FNDC1: variants seen among roughly 807,000 people sequenced by gnomAD.
FNDC1 encodes fibronectin type III domain-containing protein 1.
Under a neutral mutation model 168.0 loss-of-function variants are expected in FNDC1, and 96 were observed. The ratio of observed to expected loss-of-function variants is 0.57; its 90% CI spans 0.48 to 0.68. FNDC1 has a LOEUF of 0.68. Among genes scored for constraint, FNDC1 ranks in the 30% least tolerant of loss-of-function variants. FNDC1 has a pLI of 0.00. For synonymous variants in FNDC1, 1,099 were observed against 1,025.9 expected, an observed-to-expected ratio of 1.07 and a Z score of -1.36; for missense variants, 2,587 against 2,482.1, an observed-to-expected ratio of 1.04 and a Z score of -0.90.
At chr6:159,235,947 A>C (rs1783244028) in intron 11 of FNDC1, among the ~76,000 whole-genome samples, 1 of 152,240 alleles carries the variant, frequency 6.6e-6, no homozygotes, top group Non-Finnish European at 1.5e-5. Flanking sequence ...TTTCTATGGC[A>C]AATTTACTTA....
intron 5 of FNDC1, among the ~76,000 whole-genome samples, 166 bp downstream of exon 5, chr6:159,215,317 G>A (rs1399379660): frequency 1.3e-5 from 2 of 152,184 alleles, no homozygotes; most frequent in African/African-American, 2.4e-5. Context: ...CATCCTGGAC[G>A]CCATCATTTT....
chr6:159,175,825 T>G (rs894426500), intron 1 of FNDC1, among the ~76,000 whole-genome samples: 1 of 152,210 alleles, frequency 6.6e-6, no homozygotes, highest in East Asian at 1.9e-4. Context: ...ATCACAACTT[T>G]GAACCTTTGA....
chr6:159,197,746 T>G, intron 2 of FNDC1, 121 bp downstream of exon 2: 1 of 878,184 alleles, frequency 1.1e-6, no homozygotes, highest in East Asian at 2.7e-5. Flanking sequence ...TACGGTTCTT[T>G]GGGAATGGAG....
chr6:159,210,931 C>T (rs1334101253), intron 4 of FNDC1, among the ~76,000 whole-genome samples: 1 of 152,184 alleles, frequency 6.6e-6, no homozygotes, highest in Non-Finnish European at 1.5e-5. Context: ...ATCAGGAGTG[C>T]ACAAAAGGCC....
At chr6:159,198,619 G>A (rs571506072) in intron 2 of FNDC1, among the ~76,000 whole-genome samples, 2 of 152,302 alleles carry the variant, frequency 1.3e-5, no homozygotes, top group Non-Finnish European at 1.5e-5. Context: ...GATCAAAGGC[G>A]TGAGCAGATC....
chr6:159,190,550 C>A (rs147539027), intron 1 of FNDC1, among the ~76,000 whole-genome samples: 15 of 152,226 alleles, frequency 9.9e-5, no homozygotes, highest in African/African-American at 3.6e-4. Context: ...GTCTGCCCTG[C>A]AGTCTCCTTC....
chr6:159,257,426 C>T (rs1164755191), intron 18 of FNDC1, among the ~76,000 whole-genome samples: 2 of 152,182 alleles, frequency 1.3e-5, no homozygotes, highest in Non-Finnish European at 2.9e-5. Context: ...TTGCAGACTT[C>T]CTGAATACTT....
At chr6:159,249,522 C>A (rs1468195883) in intron 16 of FNDC1, among the ~76,000 whole-genome samples, 2 of 152,216 alleles carry the variant, frequency 1.3e-5, no homozygotes, top group Non-Finnish European at 2.9e-5. Flanking sequence ...AGACTTACCA[C>A]TGGGCCTTGT....
Position 159,197,529 on chromosome 6 carries a change from G to GT in FNDC1, c.209dup (p.Glu71GlyfsTer15), listed in dbSNP as rs755482524. ...ACCCAAAGATGCTACCAGTAGACCTGTGGAGCATTACAACATTGCCTATGG... is the reference window on the plus strand; with the variant it reads ...ACCCAAAGATGCTACCAGTAGACCTGTTGGAGCATTACAACATTGCCTATGG... On this transcript the variant is annotated frameshift_variant, in exon 2 of 23. Coordinates refer to ENST00000297267, the MANE Select transcript of FNDC1 (RefSeq NM_032532.3). LOFTEE classifies it high-confidence loss of function. 1.1e-5 allele frequency: 18 copies of GT among 1,614,002 alleles called. No individual in the cohort carries two copies. In the South Asian group the frequency reaches 1.6e-4, roughly 15 times the overall value.
At chr6:159,268,723 C>CATCT (rs59162576) in intron 22 of FNDC1, among the ~76,000 whole-genome samples, 15,301 of 149,734 alleles carry the variant, frequency 0.1, 1,185 homozygotes, top group East Asian at 0.32. Context: ...TTTATGCATC[C>CATCT]ATCTATCTAT....
At position 159,233,754 on chromosome 6, in the gene FNDC1, A is replaced by T; in HGVS notation, c.3242A>T (p.Asp1081Val). 1 of 1,547,904 alleles carries T rather than the reference A, an allele frequency of 6.5e-7. No homozygotes were observed. The highest frequency in any genetic ancestry group is 2.0e-5 in the Admixed American group (1 of 50,562). Residue 1081 changes from aspartate (D) to valine (V), a missense_variant, in exon 11 of 23, where the codon GAC becomes GTC. Coordinates refer to ENST00000297267, the MANE Select transcript of FNDC1 (RefSeq NM_032532.3). The surrounding 1 kb of genome is among the most constrained non-coding windows in gnomAD (Gnocchi z 4.6). Reference sequence around the variant, plus strand: ...GAGGATGCCCAGGGCAGCTACGACGACGACAGCACAGAAGTCGAGGCCCAG... The same window carrying T: ...GAGGATGCCCAGGGCAGCTACGACGTCGACAGCACAGAAGTCGAGGCCCAG... ...QDEDAQGSYDDDSTEVEAQDV... is the reference protein window; with the variant it reads ...QDEDAQGSYDVDSTEVEAQDV...
rs1393202303 is a variant in FNDC1, at chr6:159,246,919, A to G, written c.4640A>G (p.Glu1547Gly). ...TCACTAGATGAGTTCTCAGGCTTGGAGACTGACACTGCAGTACCTACGGAA... is the reference window on the plus strand; with the variant it reads ...TCACTAGATGAGTTCTCAGGCTTGGGGACTGACACTGCAGTACCTACGGAA... ...YAEEDEFSGL[E>G]TDTAVPTEEA... Residue 1547 changes from glutamate to glycine, a missense_variant, in exon 15 of 23, where the codon GAG (glutamate) becomes GGG (glycine). Physicochemically the swap from Glu to Gly is moderately conservative, Grantham distance 98 (BLOSUM62 -2). Coordinates refer to ENST00000297267, the MANE Select transcript of FNDC1 (RefSeq NM_032532.3). 28 of 1,612,942 alleles carry G rather than the reference A, an allele frequency of 1.7e-5. No individual in the cohort carries two copies. Among genetic ancestry groups the G allele is most frequent in the Non-Finnish European group, 2.3e-5 (27 of 1,178,942 alleles).
intron 4 of FNDC1, among the ~76,000 whole-genome samples, chr6:159,205,624 C>T (rs534777645): frequency 7.3e-4 from 111 of 152,322 alleles, no homozygotes; most frequent in African/African-American, 2.6e-3. Context: ...CAACAAGAGG[C>T]TTCTAGGTTC....
intron 14 of FNDC1, among the ~76,000 whole-genome samples, chr6:159,241,943 T>C (rs894952499): frequency 2.6e-5 from 4 of 152,224 alleles, no homozygotes; most frequent in African/African-American, 9.7e-5. Flanking sequence ...TCTTCTTTTT[T>C]CTTTCTTTAT....
At chr6:159,214,609 T>A (rs432275) in intron 4 of FNDC1, among the ~76,000 whole-genome samples, 73,648 of 151,884 alleles carry the variant, frequency 0.48, 20,353 homozygotes, top group African/African-American at 0.76. Flanking sequence ...AGCTCTTTCC[T>A]GAGAATATAT....
At chr6:159,212,655 GA>G (rs1191352326) in intron 4 of FNDC1, among the ~76,000 whole-genome samples, 1 of 151,974 alleles carries the variant, frequency 6.6e-6, no homozygotes, top group Non-Finnish European at 1.5e-5. Flanking sequence ...GTTGTCTAGG[GA>G]ACAGTTCTTC....
At chr6:159,217,430 CT>C (rs35531100) in intron 5 of FNDC1, among the ~76,000 whole-genome samples, 27,735 of 152,160 alleles carry the variant, frequency 0.18, 3,504 homozygotes, top group African/African-American at 0.36. Context: ...GGCCAGCCCC[CT>C]GGGTCCAGGT....
intron 5 of FNDC1, among the ~76,000 whole-genome samples, chr6:159,215,799 T>A (rs767464959): frequency 9.2e-5 from 14 of 151,962 alleles, no homozygotes; most frequent in Non-Finnish European, 1.6e-4. Context: ...GCTAGGCCAG[T>A]CTCTCTTTTC....
chr6:159,234,257 G>A lies in FNDC1; in HGVS notation c.3745G>A (p.Gly1249Ser). 1 of 1,592,830 alleles carries A rather than the reference G, an allele frequency of 6.3e-7. No homozygotes were observed. The highest frequency in any genetic ancestry group is 2.3e-5 in the East Asian group (1 of 43,754). The stretch of plus-strand genomic sequence containing the variant: ...GAAGCGACCTCTCCCCCCACCTCCA[G>A]GCAGCTCCCCCAGGGCCTCCCACGT... The part of the protein sequence containing the change: ...PVKRPLPPPP[G>S]SSPRASHVPS... Residue 1249 changes from glycine to serine, a missense_variant, in exon 11 of 23, where the codon GGC (glycine) becomes AGC (serine). Transcript: ENST00000297267.
Sources: allele counts gnomAD v4.1 joint callset (sites outside exome capture counted in the v4.1 genomes callset), GRCh38; gene constraint gnomAD v4.1.1; non-coding constraint Gnocchi (gnomAD v3.1); transcripts MANE v1.5; gene names NCBI Gene and HGNC (gene_info 2026-07-23, HGNC 2026-07-21).